COPS9: variants seen among roughly 807,000 people sequenced by gnomAD.
The protein encoded by COPS9 is COP9 signalosome complex subunit 9.
A neutral mutation model predicts 7.2 loss-of-function variants in COPS9; 8 were observed. The ratio of observed to expected loss-of-function variants is 1.11; its 90% confidence interval spans 0.65 to 2.00. The LOEUF (loss-of-function observed/expected upper bound fraction) is 2.00, where lower values mean the gene tolerates loss of function less well. Ranked by LOEUF, COPS9 falls within the 30% of genes most tolerant of loss-of-function variation. The pLI, the probability that COPS9 is intolerant of heterozygous loss-of-function variation, is 0.00. For missense variants in COPS9, 74 were observed against 77.7 expected (o/e 0.95, Z 0.18); for synonymous variants, 39 against 28.7 (o/e 1.36, Z -1.14).
downstream of COPS9, chr2:240,129,869 T>C (rs1321377070): frequency 6.4e-7 from 1 of 1,550,552 alleles, no homozygotes; most frequent in Non-Finnish European, 8.9e-7. Context: ...AGCCTCAACG[T>C]GCGGCCCAGT....
At chr2:240,129,449 A>G (rs946704693), downstream of COPS9, among the ~76,000 whole-genome samples, 1 of 152,136 alleles carries the variant, frequency 6.6e-6, no homozygotes, top group Non-Finnish European at 1.5e-5. Flanking sequence ...TACAGGAGTG[A>G]GCCACTGTGC....
downstream of COPS9, among the ~76,000 whole-genome samples, chr2:240,127,843 G>A (rs568212790): frequency 6.6e-6 from 1 of 152,258 alleles, no homozygotes; most frequent in East Asian, 1.9e-4. Flanking sequence ...GGCATCCCTC[G>A]ATCAGGGTTG....
At chr2:240,134,075 G>A (rs2071949062) in intron 1 of COPS9, 70 bp from the exon 2 acceptor site, 4 of 1,407,104 alleles carry the variant, frequency 2.8e-6, no homozygotes, top group Non-Finnish European at 4.0e-6. Flanking sequence ...TGCATTGCAG[G>A]GCCACTACCC....
At chr2:240,134,439 T>A (rs112912960) in intron 1 of COPS9, 6,445 of 171,834 alleles carry the variant, frequency 0.038, 200 homozygotes, top group Admixed American at 0.1. Flanking sequence ...CTGCTCTGCC[T>A]CTGAGGTTCT....
chr2:240,135,447 T>C (rs2071966612), intron 1 of COPS9, among the ~76,000 whole-genome samples: 1 of 152,206 alleles, frequency 6.6e-6, no homozygotes, highest in African/African-American at 2.4e-5. Context: ...GGGCTGCCTC[T>C]GACCACCTCT....
In COPS9 at chr2:240,136,262, A is replaced by C; in HGVS notation, c.23T>G (p.Met8Arg). ...GTAGGGCCCGGCGCCCTCGGGGAAC[A>C]TCTCGTCCACCGCCGGCTTCATCTC... MKPAVDEMFPEGAGPYVD... is the reference protein window; with the variant it reads MKPAVDERFPEGAGPYVD... The change falls in exon 1 of 3, where the codon ATG becomes AGG. Residue 8 changes from methionine (M) to arginine (R), a missense_variant. Coordinates refer to ENST00000607357, the MANE Select transcript of COPS9 (RefSeq NM_001163424.2). 6.4e-7 allele frequency: 1 copy of C among 1,568,442 alleles called. No homozygotes were observed. Among genetic ancestry groups the C allele is most frequent in the Admixed American group, 1.8e-5 (1 of 54,772 alleles).
At chr2:240,131,215 A>C (rs1240644833) in intron 2 of COPS9, 127 bp from the exon 3 acceptor site, 2 of 1,134,474 alleles carry the variant, frequency 1.8e-6, no homozygotes, top group Non-Finnish European at 2.5e-6. Flanking sequence ...GAAATAAAAG[A>C]CTTTTCCCGT....
downstream of COPS9, chr2:240,130,033 G>A (rs1390432680): frequency 1.9e-6 from 3 of 1,608,884 alleles, no homozygotes; most frequent in Non-Finnish European, 2.5e-6. Flanking sequence ...GAGCTGCTGA[G>A]CCCCAACAAA....
downstream of COPS9, among the ~76,000 whole-genome samples, chr2:240,129,658 T>C (rs1300885383): frequency 6.6e-6 from 1 of 152,214 alleles, no homozygotes; most frequent in African/African-American, 2.4e-5. Context: ...AAATACCTAG[T>C]TGTTCCCCAC....
chr2:240,127,639 A>C (rs78264045), downstream of COPS9, among the ~76,000 whole-genome samples: 2,362 of 152,298 alleles, frequency 0.016, 44 homozygotes, highest in East Asian at 0.089. Context: ...CAGCGTCCGT[A>C]CAGGAGAGAT....
intron 2 of COPS9, among the ~76,000 whole-genome samples, 156 bp from the exon 3 acceptor site, chr2:240,131,244 G>A (rs1023365257): frequency 2.6e-5 from 4 of 152,240 alleles, no homozygotes; most frequent in Non-Finnish European, 5.9e-5. Flanking sequence ...TTCAGTTTCA[G>A]CCAACCAGGG....
At chr2:240,129,853 AGCGGCAGCCTCAACGT>A (rs1460637059), downstream of COPS9, 1 of 1,478,488 alleles carries the variant, frequency 6.8e-7, no homozygotes, top group East Asian at 2.4e-5. Context: ...TCAGAAACAA[AGCGGCAGCCTCAACGT>A]GCGGCCCAGT....
downstream of COPS9, among the ~76,000 whole-genome samples, chr2:240,128,386 C>T (rs770854854): frequency 4.6e-5 from 7 of 152,190 alleles, no homozygotes; most frequent in Non-Finnish European, 8.8e-5. Context: ...AAATTCCTCT[C>T]TTGCATGGAT....
chr2:240,135,947 G>C (rs962440600), intron 1 of COPS9: 1 of 489,782 alleles, frequency 2.0e-6, no homozygotes, highest in Non-Finnish European at 3.5e-6. Flanking sequence ...TGTTCCCGGG[G>C]GCCGTGGGGG....
rs1021635091 is a variant in COPS9, at chr2:240,131,224, G to C, written c.137-136C>G. On this transcript the variant is annotated intron_variant, in intron 2 of 2. Transcript: ENST00000607357. Reference sequence around the variant, plus strand: ...TCCAATGAAATAAAAGACTTTTCCCGTAACAGACTTTCAGTTTCAGCCAAC... The same window carrying C: ...TCCAATGAAATAAAAGACTTTTCCCCTAACAGACTTTCAGTTTCAGCCAAC... 10 of 1,071,284 alleles carry C rather than the reference G, an allele frequency of 9.3e-6. No individual in the cohort carries two copies. In the African/African-American group the frequency reaches 1.6e-4, roughly 17 times the overall value. 66.4% of individuals were successfully genotyped at this position (1,071,284 alleles called of 1,614,324 possible). A position where few individuals can be genotyped will look rare whatever the true frequency, so the allele number is the denominator to read the frequency against.
At chr2:240,131,589 G>A (rs928808256) in intron 2 of COPS9, among the ~76,000 whole-genome samples, 2 of 152,218 alleles carry the variant, frequency 1.3e-5, no homozygotes, top group South Asian at 4.1e-4. Flanking sequence ...GTAAGGGAGC[G>A]TGAATGATAC....
At chr2:240,131,498 C>T (rs2071922934) in intron 2 of COPS9, among the ~76,000 whole-genome samples, 1 of 152,184 alleles carries the variant, frequency 6.6e-6, no homozygotes, top group African/African-American at 2.4e-5. Context: ...GTGCTGGGTC[C>T]TTGAGAGCAG....
chr2:240,134,463 T>C (rs1206373170), intron 1 of COPS9, among the ~76,000 whole-genome samples: 1 of 152,178 alleles, frequency 6.6e-6, no homozygotes, highest in East Asian at 1.9e-4. Flanking sequence ...GCCCCGCTGC[T>C]ATCATGGACC....
chr2:240,128,316 T>C (rs1035969276), downstream of COPS9, among the ~76,000 whole-genome samples: 3 of 152,186 alleles, frequency 2.0e-5, no homozygotes, highest in African/African-American at 4.8e-5. Context: ...AAACAGGAAG[T>C]AGTTGAGTCC....
Sources: allele counts gnomAD v4.1 joint callset (sites outside exome capture counted in the v4.1 genomes callset), GRCh38; gene constraint gnomAD v4.1.1; transcripts MANE v1.5; gene names NCBI Gene and HGNC (gene_info 2026-07-23, HGNC 2026-07-21).